Variants in PLCB1 observed in about 807,000 individuals in gnomAD.
PLCB1 encodes the protein 1-phosphatidylinositol 4,5-bisphosphate phosphodiesterase beta-1.
PLCB1 carries 46 observed loss-of-function variants against 161.8 expected under a neutral mutation model. The observed-to-expected ratio is 0.28, with a 90% CI of 0.22 to 0.36. PLCB1 has a LOEUF of 0.36. Ranked by LOEUF, PLCB1 falls within the 10% of genes least tolerant of loss-of-function variation. PLCB1 has a pLI of 1.00. For synonymous variants in PLCB1, 517 were observed against 503.7 expected, an observed-to-expected ratio of 1.03 and a Z score of -0.35; for missense variants, 1,016 against 1,472.5, an observed-to-expected ratio of 0.69 and a Z score of 5.07.
chr20:8,552,419 G>A (rs936618944), intron 3 of PLCB1, among the ~76,000 whole-genome samples: 2 of 152,136 alleles, frequency 1.3e-5, no homozygotes, highest in African/African-American at 4.8e-5. Context: ...GCAGGGAAGT[G>A]GATGGATGAA....
At chr20:8,277,291 T>A (rs888216629) in intron 2 of PLCB1, among the ~76,000 whole-genome samples, 8 of 152,036 alleles carry the variant, frequency 5.3e-5, no homozygotes, top group Non-Finnish European at 1.2e-4. Context: ...CCAAGCCATG[T>A]ATAAAAGAGA....
intron 2 of PLCB1, among the ~76,000 whole-genome samples, chr20:8,296,620 A>G (rs943996244): frequency 5.9e-5 from 9 of 152,000 alleles, no homozygotes; most frequent in Non-Finnish European, 8.8e-5. Context: ...GAATGTGTAC[A>G]TAGCCCTTTC....
chr20:8,581,287 C>T (rs777839455), intron 3 of PLCB1, among the ~76,000 whole-genome samples: 7 of 152,122 alleles, frequency 4.6e-5, no homozygotes, highest in East Asian at 1.9e-4. Flanking sequence ...AATGCTCCCC[C>T]GTACTTCCTA....
chr20:8,263,793 TA>T (rs1305799973), intron 2 of PLCB1, among the ~76,000 whole-genome samples: 2 of 152,302 alleles, frequency 1.3e-5, no homozygotes, highest in African/African-American at 4.8e-5. Flanking sequence ...TGGACCTGTA[TA>T]AAACACTTAC....
At chr20:8,417,052 CACAT>C (rs1183497020) in intron 3 of PLCB1, among the ~76,000 whole-genome samples, 14,097 of 62,552 alleles carry the variant, frequency 0.23, 2,136 homozygotes, top group Non-Finnish European at 0.28. Flanking sequence ...CACACACACA[CACAT>C]ATATATATAT....
At chr20:8,657,473 G>A (rs1989493385) in intron 8 of PLCB1, among the ~76,000 whole-genome samples, 189 bp downstream of exon 8, 1 of 152,090 alleles carries the variant, frequency 6.6e-6, no homozygotes, top group Admixed American at 6.6e-5. Context: ...TGCTTTTAAT[G>A]AGTACAAGTT....
At chr20:8,872,110 C>A (rs921717975) in intron 31 of PLCB1, among the ~76,000 whole-genome samples, 4 of 134,010 alleles carry the variant, frequency 3.0e-5, no homozygotes, top group Non-Finnish European at 6.7e-5. Flanking sequence ...ACTTATGTTG[C>A]CTTCTTAGCC....
chr20:8,672,652 G>A (rs1018874473), intron 9 of PLCB1, among the ~76,000 whole-genome samples: 6 of 152,076 alleles, frequency 3.9e-5, no homozygotes, highest in African/African-American at 1.2e-4. Flanking sequence ...GCCATGAGTT[G>A]TATTTAGGGA....
At chr20:8,133,378 T>G (rs1191280186) in intron 1 of PLCB1, among the ~76,000 whole-genome samples, 1 of 151,940 alleles carries the variant, frequency 6.6e-6, no homozygotes, top group Non-Finnish European at 1.5e-5. Flanking sequence ...ATGGGGGCCC[T>G]TGAGGGGTCC....
At chr20:8,709,980 G>A (rs926920259) in intron 12 of PLCB1, among the ~76,000 whole-genome samples, 5 of 152,192 alleles carry the variant, frequency 3.3e-5, no homozygotes, top group African/African-American at 1.2e-4. Flanking sequence ...CTTTGCAATT[G>A]ACTCTGTTAA....
At chr20:8,600,264 A>C (rs1170022193) in intron 3 of PLCB1, among the ~76,000 whole-genome samples, 1 of 120,404 alleles carries the variant, frequency 8.3e-6, no homozygotes, top group Admixed American at 8.0e-5. Context: ...ATGGTGATGT[A>C]CAGATGGGTT....
intron 31 of PLCB1, among the ~76,000 whole-genome samples, chr20:8,872,936 TTA>T (rs1987658186): frequency 6.6e-6 from 1 of 152,212 alleles, no homozygotes; most frequent in South Asian, 2.1e-4. Context: ...AGTTCCTTTG[TTA>T]TTTCTGCGAC....
In PLCB1 at chr20:8,882,382, G is replaced by C. The variant is rs1452964806; in HGVS notation, c.*533G>C. ...TGCAAGCACTGGTGGCTTGCAGTTT[G>C]CTAATTTATTTATCATAGAGTCATC... On this transcript the variant is annotated 3_prime_UTR_variant, in exon 32 of 32. Transcript: ENST00000338037. 1.2e-5 allele frequency: 2 copies of C among 160,538 alleles called. No homozygotes were observed. Among genetic ancestry groups the C allele is most frequent in the Middle Eastern group, 3.4e-3 (1 of 298 alleles). The allele number at this position is 160,538 out of a possible 1,614,324, so 9.9% of individuals were successfully genotyped here.
intron 2 of PLCB1, among the ~76,000 whole-genome samples, chr20:8,187,849 T>A (rs1057181708): frequency 1.3e-5 from 2 of 151,980 alleles, no homozygotes; most frequent in Admixed American, 6.6e-5. Flanking sequence ...TATTTGGTGG[T>A]GGTGGTGGTG....
chr20:8,475,725 T>A lies in PLCB1; in HGVS notation c.246+104275T>A, dbSNP rs1236046138. On this transcript the variant is annotated intron_variant, in intron 3 of 31. Transcript: ENST00000338037. ...TATAACATCTTAGATATAGCCAATA[T>A]CTTGTATAGGAACAATGTTTGTATG... Among the ~76,000 whole-genome samples, 3 of 152,332 alleles carry A rather than the reference T, an allele frequency of 2.0e-5. No homozygotes were observed. In the East Asian group the frequency reaches 5.8e-4, roughly 29 times the overall value.
chr20:8,671,376 A>T (rs1989939472), intron 9 of PLCB1, among the ~76,000 whole-genome samples: 1 of 152,192 alleles, frequency 6.6e-6, no homozygotes, highest in Non-Finnish European at 1.5e-5. Flanking sequence ...TGTTGGCATG[A>T]CAAGTTTTCT....
chr20:8,751,102 ATT>A, intron 23 of PLCB1: 271 of 186,568 alleles, frequency 1.5e-3, no homozygotes, highest in Middle Eastern at 6.8e-3. Flanking sequence ...AGCCCGGCTA[ATT>A]TTTTTTTTTT....
chr20:8,488,831 T>A (rs993203614), intron 3 of PLCB1, among the ~76,000 whole-genome samples: 1 of 152,238 alleles, frequency 6.6e-6, no homozygotes, highest in Non-Finnish European at 1.5e-5. Context: ...AATAGAGGAA[T>A]TCATTGAATC....
At chr20:8,727,285 T>G in intron 16 of PLCB1, 24 bp from the exon 17 acceptor site, 1 of 1,279,928 alleles carries the variant, frequency 7.8e-7, no homozygotes. Flanking sequence ...TTCCCCTTTT[T>G]TGTTTTGTTG....
Sources: gnomAD v4.1 joint callset for allele counts (sites outside exome capture counted in the v4.1 genomes callset) on GRCh38, gnomAD v4.1.1 for gene constraint, MANE v1.5 for transcripts, NCBI Gene and HGNC (gene_info 2026-07-23, HGNC 2026-07-21) for gene names.